VTI1A: variants seen among roughly 807,000 people sequenced by gnomAD.
VTI1A encodes vesicle transport through interaction with t-SNAREs homolog 1A.
A neutral mutation model predicts 34.9 loss-of-function variants in VTI1A; 22 were observed. The ratio of observed to expected loss-of-function variants is 0.63; its 90% CI spans 0.45 to 0.90. The LOEUF is 0.90. Among genes scored for constraint, VTI1A ranks in the 40% least tolerant of loss-of-function variants. The pLI is 0.00. For missense variants in VTI1A, 268 were observed against 275.6 expected (o/e 0.97, Z 0.20); for synonymous variants, 87 against 97.3 (o/e 0.89, Z 0.62).
chr10:112,834,844 T>C, the VTI1A span, among the ~76,000 whole-genome samples: 1 of 152,162 alleles, frequency 6.6e-6, no homozygotes, highest in Non-Finnish European at 1.5e-5. Flanking sequence ...ATGTGCAACA[T>C]GAGTCTCTTC....
intron 7 of VTI1A, among the ~76,000 whole-genome samples, chr10:112,770,608 G>A (rs960413791): frequency 4.6e-5 from 7 of 150,574 alleles, no homozygotes; most frequent in South Asian, 2.1e-4. Context: ...GGGTTTCACC[G>A]TGTTAGCCAG....
chr10:112,709,240 G>C (rs893583925), intron 7 of VTI1A, among the ~76,000 whole-genome samples: 3 of 152,138 alleles, frequency 2.0e-5, no homozygotes, highest in Non-Finnish European at 1.5e-5. Context: ...AGAGTGTCTG[G>C]TTGCTTTGCT....
chr10:112,516,116 T>A (rs1246584547), intron 3 of VTI1A, among the ~76,000 whole-genome samples: 1 of 152,116 alleles, frequency 6.6e-6, no homozygotes, highest in East Asian at 1.9e-4. Flanking sequence ...AAAAGCAAAC[T>A]GAATGCCAGG....
intron 5 of VTI1A, among the ~76,000 whole-genome samples, chr10:112,599,780 A>G (rs1168267731): frequency 6.6e-6 from 1 of 152,056 alleles, no homozygotes; most frequent in Non-Finnish European, 1.5e-5. Flanking sequence ...GGGTCTCAGT[A>G]TGTTGCCCAG....
chr10:112,782,635 GGGTAATTACATTT>G (rs1307074979), intron 7 of VTI1A, among the ~76,000 whole-genome samples: 1 of 152,214 alleles, frequency 6.6e-6, no homozygotes, highest in Non-Finnish European at 1.5e-5. Flanking sequence ...ATGCCAGTCT[GGGTAATTACATTT>G]GGTCTACCTA....
chr10:112,519,272 C>T (rs1284574358), intron 3 of VTI1A, among the ~76,000 whole-genome samples: 3 of 152,024 alleles, frequency 2.0e-5, no homozygotes, highest in South Asian at 4.1e-4. Context: ...ATAGCTGGTG[C>T]GGCTCCTCTC....
chr10:112,790,768 T>TTTG (rs1852438856), intron 7 of VTI1A, among the ~76,000 whole-genome samples: 1 of 151,998 alleles, frequency 6.6e-6, no homozygotes, highest in Non-Finnish European at 1.5e-5. Flanking sequence ...AAAGACGTTT[T>TTTG]TTTTTTTTTT....
the VTI1A span, among the ~76,000 whole-genome samples, chr10:112,853,619 G>A: frequency 2.0e-5 from 3 of 152,176 alleles, no homozygotes; most frequent in African/African-American, 7.2e-5. Flanking sequence ...CTGAGACCTC[G>A]TGTTGTTCTT....
At chr10:112,779,096 G>A (rs1192949460) in intron 7 of VTI1A, among the ~76,000 whole-genome samples, 1 of 151,034 alleles carries the variant, frequency 6.6e-6, no homozygotes, top group African/African-American at 2.5e-5. Context: ...AGGAACGAGA[G>A]AAAGAAATAC....
At chr10:112,823,075 C>T (rs547227867), downstream of VTI1A, among the ~76,000 whole-genome samples, 26 of 152,324 alleles carry the variant, frequency 1.7e-4, 1 homozygote, top group South Asian at 5.0e-3. Flanking sequence ...GATGAATGCA[C>T]CATCACTGTG....
chr10:112,746,776 C>T (rs985710486), intron 7 of VTI1A, among the ~76,000 whole-genome samples: 9 of 152,202 alleles, frequency 5.9e-5, no homozygotes, highest in Admixed American at 2.6e-4. Flanking sequence ...GCTGCTATCA[C>T]GGCTGATGGA....
At chr10:112,806,134 C>G (rs889260503) in intron 7 of VTI1A, among the ~76,000 whole-genome samples, 1 of 152,086 alleles carries the variant, frequency 6.6e-6, no homozygotes, top group African/African-American at 2.4e-5. Context: ...ATCTCCCTGC[C>G]CATCAAAACT....
chr10:112,805,026 A>ATT (rs568126251), intron 7 of VTI1A, among the ~76,000 whole-genome samples: 2 of 142,882 alleles, frequency 1.4e-5, no homozygotes, highest in African/African-American at 5.1e-5. Context: ...ACGCCTGGCT[A>ATT]TTTTTTTTTT....
rs1310479875 is a variant in VTI1A at position 112,818,562 on chromosome 10, A to G, written c.*3179A>G. Reference sequence around the variant, plus strand: ...ATTTGAAGTTGTAATGGTGTCAAAAAGTCACGACTGACTGACAGCCGTCAG... The same window carrying G: ...ATTTGAAGTTGTAATGGTGTCAAAAGGTCACGACTGACTGACAGCCGTCAG... On this transcript the variant is annotated 3_prime_UTR_variant, in exon 8 of 8. Coordinates refer to ENST00000393077, the MANE Select transcript of VTI1A (RefSeq NM_145206.4). 1 of 223,970 alleles carries G rather than the reference A, an allele frequency of 4.5e-6. No individual in the cohort carries two copies. Among genetic ancestry groups the G allele is most frequent in the African/African-American group, 2.2e-5 (1 of 44,818 alleles). The allele number at this position is 223,970 out of a possible 1,614,324, so 13.9% of individuals were successfully genotyped here.
In VTI1A at chr10:112,591,515, G is replaced by A. The variant is rs59994304; in HGVS notation, c.427+53185G>A. ...AGCCTGGGTGACAGAGTGAGACTCC[G>A]TCTCACACACACACACACACACAAA... On this transcript the variant is annotated intron_variant, in intron 5 of 7. Coordinates refer to ENST00000393077, the MANE Select transcript of VTI1A (RefSeq NM_145206.4). Among the ~76,000 whole-genome samples the A allele has an allele frequency of 5.7e-3, 486 of 85,092 alleles. 12 individuals are homozygous for A. The East Asian group carries it at 0.075, about 13-fold the overall frequency. 55.8% of individuals were successfully genotyped at this position (85,092 alleles called of 152,430 possible). A position where few individuals can be genotyped will look rare whatever the true frequency, so the allele number is the denominator to read the frequency against.
At chr10:112,627,808 A>G (rs1273537446) in intron 5 of VTI1A, among the ~76,000 whole-genome samples, 1 of 152,214 alleles carries the variant, frequency 6.6e-6, no homozygotes, top group African/African-American at 2.4e-5. Context: ...ATAGTGAGAC[A>G]GGCAATATAT....
chr10:112,747,596 G>A (rs1300015609), intron 7 of VTI1A, among the ~76,000 whole-genome samples: 1 of 152,130 alleles, frequency 6.6e-6, no homozygotes, highest in Non-Finnish European at 1.5e-5. Context: ...GTTTTGTTTT[G>A]TTTTCTCTTG....
chr10:112,809,910 T>C (rs1403898756), intron 7 of VTI1A, among the ~76,000 whole-genome samples: 1 of 152,044 alleles, frequency 6.6e-6, no homozygotes, highest in Non-Finnish European at 1.5e-5. Flanking sequence ...GAAATGCCTC[T>C]TGGAAGAGGA....
chr10:112,586,469 A>T (rs1199560247), intron 5 of VTI1A, among the ~76,000 whole-genome samples: 2 of 152,176 alleles, frequency 1.3e-5, no homozygotes, highest in African/African-American at 4.8e-5. Context: ...CTTTTTCCTT[A>T]GTTTTCCTGC....
Sources: allele counts gnomAD v4.1 joint callset (sites outside exome capture counted in the v4.1 genomes callset), GRCh38; gene constraint gnomAD v4.1.1; transcripts MANE v1.5; gene names NCBI Gene and HGNC (gene_info 2026-07-23, HGNC 2026-07-21).